Variants in RARB observed in about 807,000 individuals in gnomAD.
RARB encodes the protein retinoic acid receptor beta.
RARB carries 17 observed loss-of-function variants against 51.9 expected under a neutral mutation model. That is an observed-to-expected ratio of 0.33 (90% CI 0.22 to 0.49). The LOEUF (loss-of-function observed/expected upper bound fraction) is 0.49. Ranked by LOEUF, RARB falls within the 20% of genes least tolerant of loss-of-function variation. The pLI, the probability that RARB is intolerant of heterozygous loss-of-function variation, is 0.99. For synonymous variants in RARB, 215 were observed against 195.4 expected (o/e 1.10, Z -0.84); for missense variants, 369 against 550.8 (o/e 0.67, Z 3.30).
chr3:25,355,214 T>TG (rs1215979242), intron 5 of RARB, among the ~76,000 whole-genome samples: 1 of 152,100 alleles, frequency 6.6e-6, no homozygotes, highest in Non-Finnish European at 1.5e-5. Flanking sequence ...GAGATTCATG[T>TG]GGGGACATCC....
At chr3:25,005,218 C>T (rs943740225) in intron 2 of RARB, among the ~76,000 whole-genome samples, 3 of 152,144 alleles carry the variant, frequency 2.0e-5, no homozygotes, top group Non-Finnish European at 4.4e-5. Context: ...CCTATACTTG[C>T]CTCACTGTTT....
At chr3:24,939,637 C>A (rs1261753038) in intron 2 of RARB, among the ~76,000 whole-genome samples, 1 of 152,178 alleles carries the variant, frequency 6.6e-6, no homozygotes, top group African/African-American at 2.4e-5. Flanking sequence ...TCATATACAG[C>A]ACATTTTGGT....
chr3:24,986,897 T>C (rs1158902933), intron 2 of RARB, among the ~76,000 whole-genome samples: 2 of 152,172 alleles, frequency 1.3e-5, no homozygotes, highest in African/African-American at 2.4e-5. Flanking sequence ...TGGGGTGCTA[T>C]GCTTCAGCTG....
chr3:25,538,270 A>G (rs998465418), intron 3 of RARB, among the ~76,000 whole-genome samples: 9 of 152,118 alleles, frequency 5.9e-5, no homozygotes, highest in African/African-American at 2.2e-4. Context: ...ATTATATAGA[A>G]CTTTCTTGTT....
intron 2 of RARB, among the ~76,000 whole-genome samples, chr3:24,966,046 A>G (rs1225858707): frequency 6.6e-6 from 1 of 152,122 alleles, no homozygotes; most frequent in Non-Finnish European, 1.5e-5. Context: ...AAGTTGGGAA[A>G]CATATTCAGA....
intron 5 of RARB, among the ~76,000 whole-genome samples, chr3:25,371,042 G>A (rs900657): frequency 6.6e-6 from 1 of 151,544 alleles, no homozygotes; most frequent in Non-Finnish European, 1.5e-5. Context: ...TTGGATTTAG[G>A]GCCCCCTTGG....
intron 2 of RARB, among the ~76,000 whole-genome samples, chr3:24,932,004 T>C (rs58727158): frequency 0.066 from 10,095 of 152,104 alleles, 444 homozygotes; most frequent in Middle Eastern, 0.12. Flanking sequence ...AAAATAGAGG[T>C]GATTCCAACT....
At chr3:25,354,558 C>A (rs537513501) in intron 5 of RARB, among the ~76,000 whole-genome samples, 1 of 152,230 alleles carries the variant, frequency 6.6e-6, no homozygotes, top group African/African-American at 2.4e-5. Context: ...TACAAGCAAA[C>A]CGAGTTGTTA....
At chr3:24,964,410 G>C (rs1418826204) in intron 2 of RARB, among the ~76,000 whole-genome samples, 1 of 151,806 alleles carries the variant, frequency 6.6e-6, no homozygotes, top group African/African-American at 2.4e-5. Flanking sequence ...TGTTGGTATT[G>C]GCCTCTAGCA....
chr3:24,990,433 A>T (rs1355173855), intron 2 of RARB, among the ~76,000 whole-genome samples: 2 of 93,470 alleles, frequency 2.1e-5, no homozygotes, highest in South Asian at 4.3e-4. Flanking sequence ...CCTACATTTT[A>T]AAAAAAATCC....
At chr3:25,059,589 TA>T (rs997901145) in intron 2 of RARB, among the ~76,000 whole-genome samples, 3 of 151,828 alleles carry the variant, frequency 2.0e-5, no homozygotes, top group African/African-American at 7.2e-5. Flanking sequence ...GATGCTGCTT[TA>T]AAAATAAAAC....
chr3:25,450,887 C>T (rs1475716073), intron 1 of RARB, among the ~76,000 whole-genome samples: 4 of 152,220 alleles, frequency 2.6e-5, no homozygotes, highest in Admixed American at 1.3e-4. Context: ...GAGTTCGAGA[C>T]GAGCCTGGCT....
At chr3:25,102,094 A>G (rs1309126348) in intron 3 of RARB, among the ~76,000 whole-genome samples, 3 of 152,186 alleles carry the variant, frequency 2.0e-5, no homozygotes, top group Non-Finnish European at 4.4e-5. Flanking sequence ...TACAGGTGCC[A>G]TAAATTAGGT....
At chr3:24,945,478 C>T (rs1695754083) in intron 2 of RARB, among the ~76,000 whole-genome samples, 1 of 152,220 alleles carries the variant, frequency 6.6e-6, no homozygotes, top group African/African-American at 2.4e-5. Context: ...ACTAGCATAT[C>T]TTGGGGCCCA....
At chr3:25,299,254 G>C (rs892187197) in intron 5 of RARB, among the ~76,000 whole-genome samples, 1 of 152,084 alleles carries the variant, frequency 6.6e-6, no homozygotes, top group Non-Finnish European at 1.5e-5. Context: ...AAAAAAGAAA[G>C]ATCCATCTTC....
intron 2 of RARB, among the ~76,000 whole-genome samples, chr3:24,885,079 T>C (rs1703242980): frequency 6.6e-6 from 1 of 152,078 alleles, no homozygotes; most frequent in Admixed American, 6.6e-5. Flanking sequence ...CTGGCCAGAA[T>C]CTGTTATGTT....
chr3:25,580,872 T>TACTA, intron 5 of RARB, 150 bp downstream of exon 5: 4 of 821,904 alleles, frequency 4.9e-6, no homozygotes, highest in African/African-American at 1.7e-5. Context: ...TGGACTCACC[T>TACTA]AGCCTCTGGC....
At chr3:25,100,700 AG>A (rs1699384082) in intron 3 of RARB, among the ~76,000 whole-genome samples, 1 of 152,198 alleles carries the variant, frequency 6.6e-6, no homozygotes, top group South Asian at 2.1e-4. Context: ...GCAAGTGGGA[AG>A]GCTCCACAGA....
rs111253420 is a variant in RARB, at chr3:25,551,092, C to A, written c.449-18666C>A. Among the ~76,000 whole-genome samples, 1,341 of 152,220 alleles carry A rather than the reference C, an allele frequency of 8.8e-3. 20 individuals are homozygous for A. Among genetic ancestry groups the A allele is most frequent in the African/African-American group, 0.031 (1,290 of 41,516 alleles). On this transcript the variant is annotated intron_variant, in intron 3 of 7. Coordinates refer to ENST00000330688, the MANE Select transcript of RARB (RefSeq NM_000965.5). ...CTACAAAATTAATGACAAAAATCAT[C>A]TTTGAAGGCTTGAAGGGCAGGGTCT...
Sources: gnomAD v4.1 joint callset for allele counts (sites outside exome capture counted in the v4.1 genomes callset) on GRCh38, gnomAD v4.1.1 for gene constraint, MANE v1.5 for transcripts, NCBI Gene and HGNC (gene_info 2026-07-23, HGNC 2026-07-21) for gene names.